EED: variants seen among roughly 807,000 people sequenced by gnomAD.
EED encodes the protein polycomb protein EED.
Under a neutral mutation model 61.0 loss-of-function variants are expected in EED, and 9 were observed. That is an observed-to-expected ratio of 0.15 (90% CI 0.09 to 0.26). The LOEUF is 0.26. Among genes scored for constraint, EED ranks in the 10% least tolerant of loss-of-function variants. The pLI is 1.00. For synonymous variants in EED, 187 were observed against 174.4 expected (o/e 1.07, Z -0.57); for missense variants, 315 against 542.3 (o/e 0.58, Z 4.16).
intron 5 of EED, 47 bp from the exon 6 acceptor site, chr11:86,257,468 T>C (rs61904287): frequency 1.4e-6 from 2 of 1,475,464 alleles, no homozygotes; most frequent in South Asian, 1.3e-5. Context: ...AAAAAAAATT[T>C]ACTGATTTTG....
chr11:86,283,514 T>A (rs772181706), downstream of EED, among the ~76,000 whole-genome samples: 114 of 152,200 alleles, frequency 7.5e-4, no homozygotes, highest in Non-Finnish European at 1.6e-3. Flanking sequence ...ATTTCACTGC[T>A]ATAACCCCAG....
intron 3 of EED, among the ~76,000 whole-genome samples, chr11:86,254,164 A>T (rs1331633388): frequency 1.3e-5 from 2 of 151,748 alleles, no homozygotes; most frequent in Non-Finnish European, 2.9e-5. Context: ...GCAACAAATG[A>T]AAAAGGCTAT....
At chr11:86,284,882 T>A in the EED span, among the ~76,000 whole-genome samples, 1 of 149,814 alleles carries the variant, frequency 6.7e-6, no homozygotes, top group Admixed American at 6.6e-5. Flanking sequence ...GAGGCTGAGG[T>A]GGGCGGATCA....
At chr11:86,270,939 G>C (rs1220542048) in intron 9 of EED, among the ~76,000 whole-genome samples, 1 of 152,070 alleles carries the variant, frequency 6.6e-6, no homozygotes, top group African/African-American at 2.4e-5. Flanking sequence ...ATTATTCTTG[G>C]AATCTGATAG....
At chr11:86,254,347 GTC>G (rs1035223891) in intron 3 of EED, among the ~76,000 whole-genome samples, 2 of 146,206 alleles carry the variant, frequency 1.4e-5, no homozygotes, top group African/African-American at 2.5e-5. Flanking sequence ...TTGAGACTGA[GTC>G]TCTCTCTGTT....
At chr11:86,278,210 T>C (rs928238887) in intron 11 of EED, 189 bp from the exon 12 acceptor site, 3 of 1,336,482 alleles carry the variant, frequency 2.2e-6, no homozygotes, top group African/African-American at 3.0e-5. Context: ...AATTATGTAG[T>C]GCTTGTTGAA....
chr11:86,245,420 G>T, intron 1 of EED, 77 bp downstream of exon 1: 2 of 1,239,166 alleles, frequency 1.6e-6, no homozygotes, highest in Non-Finnish European at 2.3e-6. Context: ...GCGCGGGGAC[G>T]AGCGGGCTGC....
intron 9 of EED, among the ~76,000 whole-genome samples, chr11:86,269,660 A>G (rs1465758460): frequency 6.6e-6 from 1 of 152,206 alleles, no homozygotes; most frequent in East Asian, 1.9e-4. Flanking sequence ...TATAACTGTA[A>G]TACAATATCA....
At chr11:86,246,272 C>T (rs11234588) in intron 1 of EED, among the ~76,000 whole-genome samples, 1 of 152,112 alleles carries the variant, frequency 6.6e-6, no homozygotes, top group African/African-American at 2.4e-5. Context: ...AGTATCTTGA[C>T]AATTTATTCA....
At chr11:86,251,453 G>A (rs1032324276) in intron 2 of EED, among the ~76,000 whole-genome samples, 3 of 152,132 alleles carry the variant, frequency 2.0e-5, no homozygotes, top group Non-Finnish European at 4.4e-5. Flanking sequence ...AACGAAAGAC[G>A]TACTTTAAAA....
At chr11:86,255,316 T>C (rs1032770196) in intron 4 of EED, 29 bp downstream of exon 4, 4 of 1,549,074 alleles carry the variant, frequency 2.6e-6, no homozygotes, top group African/African-American at 2.7e-5. Flanking sequence ...TTAATATCTT[T>C]AGTCAAAGGA....
intron 6 of EED, among the ~76,000 whole-genome samples, chr11:86,258,608 C>T (rs1218595206): frequency 2.1e-5 from 3 of 143,502 alleles, no homozygotes; most frequent in Non-Finnish European, 4.5e-5. Context: ...GAGGCTGGAG[C>T]GCAATGGTGC....
chr11:86,250,512 C>A, intron 2 of EED, 64 bp downstream of exon 2: 2 of 1,411,170 alleles, frequency 1.4e-6, no homozygotes, highest in South Asian at 1.8e-5. Context: ...CTCTGTGGCA[C>A]GCATTTCGTA....
intron 2 of EED, among the ~76,000 whole-genome samples, chr11:86,251,391 C>G (rs1230971421): frequency 1.3e-5 from 2 of 152,168 alleles, no homozygotes; most frequent in African/African-American, 4.8e-5. Context: ...GCCTTTTATA[C>G]TTAAGGCAGT....
chr11:86,252,924 T>G (rs1945571969), intron 3 of EED, among the ~76,000 whole-genome samples: 1 of 152,182 alleles, frequency 6.6e-6, no homozygotes, highest in African/African-American at 2.4e-5. Context: ...TGGCTAATTT[T>G]TTTTGTAGGG....
chr11:86,282,782 A>T (rs1293026985), downstream of EED, among the ~76,000 whole-genome samples: 2 of 152,182 alleles, frequency 1.3e-5, no homozygotes, highest in Non-Finnish European at 2.9e-5. Flanking sequence ...CTGTAGGGCG[A>T]AAGCAGCCGT....
chr11:86,286,283 C>T, the EED span, among the ~76,000 whole-genome samples: 1 of 150,484 alleles, frequency 6.6e-6, no homozygotes, highest in East Asian at 2.0e-4. Flanking sequence ...TCAAGTGATC[C>T]GCCCGCCTCA....
At chr11:86,278,015 C>G (rs755110057) in intron 11 of EED, 24 bp downstream of exon 11, 1 of 1,487,292 alleles carries the variant, frequency 6.7e-7, no homozygotes, top group Admixed American at 2.5e-5. Flanking sequence ...AATTTCTGTT[C>G]AAAATTTCAG....
At position 86,271,329 on chromosome 11, in the gene EED, ATAAC is replaced by A. The variant is rs1946106688; in HGVS notation, c.966+2772_966+2775del. Among the ~76,000 whole-genome samples, 7 of 152,304 alleles carry A rather than the reference ATAAC, an allele frequency of 4.6e-5. No individual in the cohort carries two copies. The South Asian group carries it at 1.4e-3, about 32-fold the overall frequency. ...TTTTATTTTCCATTTTTATGTGTTC[ATAAC>A]TAATATATAGAAATATAATTGATTT... is the stretch of plus-strand genomic sequence containing the variant. On this transcript the variant is annotated intron_variant, in intron 9 of 11. Transcript: ENST00000263360.
Sources: gnomAD v4.1 joint callset for allele counts (sites outside exome capture counted in the v4.1 genomes callset) on GRCh38, gnomAD v4.1.1 for gene constraint, MANE v1.5 for transcripts, NCBI Gene and HGNC (gene_info 2026-07-23, HGNC 2026-07-21) for gene names.